B3GALNT1: variants seen among roughly 807,000 people sequenced by gnomAD.
B3GALNT1 encodes beta-1,3-N-acetylgalactosaminyltransferase 1 (Globoside blood group), also known as UDP-GalNAc:beta-1,3-N-acetylgalactosaminyltransferase 1.
Under a neutral mutation model 27.3 loss-of-function variants are expected in B3GALNT1, and 17 were observed. The observed-to-expected ratio is 0.62, with a 90% CI of 0.43 to 0.94. The LOEUF (loss-of-function observed/expected upper bound fraction) is 0.94. Among genes scored for constraint, B3GALNT1 ranks in the 40% least tolerant of loss-of-function variants. The probability of loss-of-function intolerance (pLI) is 0.00; values close to 1 mark genes in which losing one functional copy is unlikely to be tolerated. For missense variants in B3GALNT1, 347 were observed against 390.0 expected (o/e 0.89, Z 0.93); for synonymous variants, 141 against 144.0 (o/e 0.98, Z 0.15).
rs775682159 is a variant in B3GALNT1, at chr3:161,104,292, A to G, written c.-221+27T>C. The G allele has an allele frequency of 1.2e-5, 15 of 1,287,908 alleles. No individual in the cohort carries two copies. In the South Asian group the frequency reaches 1.9e-4, roughly 16 times the overall value. 79.8% of individuals were successfully genotyped at this position (1,287,908 alleles called of 1,614,324 possible). On this transcript the variant is annotated intron_variant, in intron 2 of 4. Transcript: ENST00000320474. ...AAGCTAAAAAACTTGTTCCCAGTTGAACACTGCAAACCCAAATTTTCCTTA... is the reference window on the plus strand; with the variant it reads ...AAGCTAAAAAACTTGTTCCCAGTTGGACACTGCAAACCCAAATTTTCCTTA...
chr3:161,091,515 C>T (rs1207147084), intron 4 of B3GALNT1, among the ~76,000 whole-genome samples: 4 of 152,222 alleles, frequency 2.6e-5, no homozygotes, highest in Non-Finnish European at 5.9e-5. Flanking sequence ...AATCCTCCCT[C>T]TTCCCAGCGT....
intron 4 of B3GALNT1, among the ~76,000 whole-genome samples, chr3:161,098,998 G>C (rs1271053359): frequency 6.6e-6 from 1 of 152,206 alleles, no homozygotes; most frequent in Non-Finnish European, 1.5e-5. Flanking sequence ...AACAAAATGG[G>C]AAAATGTGAG....
At chr3:161,089,246 A>C (rs1184299962) in intron 4 of B3GALNT1, among the ~76,000 whole-genome samples, 3 of 152,232 alleles carry the variant, frequency 2.0e-5, no homozygotes, top group Non-Finnish European at 4.4e-5. Context: ...TAGGTATTCA[A>C]CAAACAGAAG....
chr3:161,104,593 T>A, intron 1 of B3GALNT1, 187 bp from the exon 2 acceptor site: 1 of 348,846 alleles, frequency 2.9e-6, no homozygotes, highest in Non-Finnish European at 5.6e-6. Context: ...ACGCCCTGTA[T>A]GTTCCTTAAC....
In B3GALNT1 at chr3:161,084,747, A is replaced by C. The variant is rs906827694; in HGVS notation, c.*1012T>G. 1.3e-5 allele frequency: 2 copies of C among 152,154 alleles called. No individual in the cohort carries two copies. Among genetic ancestry groups the C allele is most frequent in the Non-Finnish European group, 2.9e-5 (2 of 67,998 alleles). 9.4% of individuals were successfully genotyped at this position (152,154 alleles called of 1,614,324 possible). A position where few individuals can be genotyped will look rare whatever the true frequency, so the allele number is the denominator to read the frequency against. ...GGAAAAAACACAGGGCAGATTAATA[A>C]TGCAACTTGGATCTTCACTCTTCTC... On this transcript the variant is annotated 3_prime_UTR_variant, in exon 5 of 5. Coordinates refer to ENST00000320474, the MANE Select transcript of B3GALNT1 (RefSeq NM_003781.4).
At chr3:161,102,995 T>C (rs1732195597) in intron 3 of B3GALNT1, 1 of 152,278 alleles carries the variant, frequency 6.6e-6, no homozygotes, top group Admixed American at 6.5e-5. Context: ...AAGTTGAATA[T>C]GACCCACCAA....
intron 4 of B3GALNT1, among the ~76,000 whole-genome samples, chr3:161,091,709 T>C (rs980214069): frequency 7.2e-5 from 11 of 152,188 alleles, no homozygotes; most frequent in African/African-American, 2.7e-4. Context: ...AGTGCTTCCT[T>C]TAAGTGAAAA....
intron 3 of B3GALNT1, among the ~76,000 whole-genome samples, chr3:161,102,194 T>C (rs1264724219): frequency 6.7e-6 from 1 of 148,528 alleles, no homozygotes; most frequent in East Asian, 2.1e-4. Context: ...ACAAAATAGC[T>C]AAATATAGTT....
intron 4 of B3GALNT1, among the ~76,000 whole-genome samples, chr3:161,092,216 T>C (rs1042858968): frequency 2.0e-5 from 3 of 152,142 alleles, no homozygotes; most frequent in Non-Finnish European, 4.4e-5. Context: ...TAAATATATG[T>C]CCATAAGATA....
At chr3:161,090,529 C>A (rs919865489) in intron 4 of B3GALNT1, among the ~76,000 whole-genome samples, 23 of 152,146 alleles carry the variant, frequency 1.5e-4, no homozygotes, top group African/African-American at 5.1e-4. Context: ...AGGCTACATT[C>A]TCTAACCACA....
intron 2 of B3GALNT1, 73 bp downstream of exon 2, chr3:161,104,246 T>C: frequency 8.4e-7 from 1 of 1,196,522 alleles, no homozygotes; most frequent in East Asian, 5.7e-5. Flanking sequence ...GCGCCCTTCT[T>C]TTGCTTAAGC....
intron 4 of B3GALNT1, among the ~76,000 whole-genome samples, chr3:161,096,389 T>C (rs1728198993): frequency 6.6e-6 from 1 of 152,248 alleles, no homozygotes; most frequent in Admixed American, 6.5e-5. Context: ...ATCATCCATA[T>C]GCTAACTATT....
chr3:161,090,003 A>G, intron 4 of B3GALNT1: 1 of 247,202 alleles, frequency 4.0e-6, no homozygotes, highest in South Asian at 3.7e-5. Flanking sequence ...TGAGAGACGG[A>G]GATTGCAGTG....
intron 4 of B3GALNT1, among the ~76,000 whole-genome samples, chr3:161,095,575 G>A (rs1047365211): frequency 6.6e-6 from 1 of 152,164 alleles, no homozygotes; most frequent in Non-Finnish European, 1.5e-5. Flanking sequence ...GCTTGGAGGT[G>A]CACTAATGCC....
chr3:161,093,212 A>C (rs899978868), intron 4 of B3GALNT1, among the ~76,000 whole-genome samples: 2 of 152,200 alleles, frequency 1.3e-5, no homozygotes, highest in Non-Finnish European at 2.9e-5. Flanking sequence ...AGAAATGATA[A>C]ATTTTTGAGG....
rs1440213641 is a variant in B3GALNT1, at chr3:161,084,597, C to T, written c.*1162G>A. 6.6e-6 allele frequency: 1 copy of T among 152,110 alleles called. No individual in the cohort carries two copies. Among genetic ancestry groups the T allele is most frequent in the Non-Finnish European group, 1.5e-5 (1 of 68,008 alleles). 9.4% of individuals were successfully genotyped at this position (152,110 alleles called of 1,614,324 possible). Reference sequence around the variant, plus strand: ...AGCAGGTCCAACAAATGATATATCACCACGTCTATGAAGAAATTTCTTTCT... The same window carrying T: ...AGCAGGTCCAACAAATGATATATCATCACGTCTATGAAGAAATTTCTTTCT... On this transcript the variant is annotated 3_prime_UTR_variant, in exon 5 of 5. Coordinates refer to ENST00000320474, the MANE Select transcript of B3GALNT1 (RefSeq NM_003781.4).
chr3:161,090,669 T>C (rs1724571326), intron 4 of B3GALNT1, among the ~76,000 whole-genome samples: 1 of 151,940 alleles, frequency 6.6e-6, no homozygotes, highest in Non-Finnish European at 1.5e-5. Flanking sequence ...AAGACCATCC[T>C]GGCTAACACG....
At chr3:161,093,300 A>G (rs1726290365) in intron 4 of B3GALNT1, among the ~76,000 whole-genome samples, 1 of 152,246 alleles carries the variant, frequency 6.6e-6, no homozygotes, top group Non-Finnish European at 1.5e-5. Context: ...CTTTATAAAT[A>G]TGTACACTTA....
intron 4 of B3GALNT1, 87 bp downstream of exon 4, chr3:161,101,052 C>G (rs1421836991): frequency 9.4e-7 from 1 of 1,058,902 alleles, no homozygotes; most frequent in Non-Finnish European, 1.3e-6. Flanking sequence ...GGCACAGTGC[C>G]CCAGGAGAGA....
Sources: allele counts gnomAD v4.1 joint callset (sites outside exome capture counted in the v4.1 genomes callset), GRCh38; gene constraint gnomAD v4.1.1; transcripts MANE v1.5; gene names NCBI Gene and HGNC (gene_info 2026-07-23, HGNC 2026-07-21).